Variants in SRGAP3 observed in about 807,000 individuals in gnomAD.
The protein encoded by SRGAP3 is SLIT-ROBO Rho GTPase activating protein 3.
SRGAP3 carries 39 observed loss-of-function variants against 121.1 expected under a neutral mutation model. The observed-to-expected ratio is 0.32, with a 90% CI of 0.25 to 0.42. The LOEUF is 0.42. Among genes scored for constraint, SRGAP3 ranks in the 10% least tolerant of loss-of-function variants. SRGAP3 has a pLI of 1.00. For missense variants in SRGAP3, 1,213 were observed against 1,470.6 expected, an observed-to-expected ratio of 0.82 and a Z score of 2.86; for synonymous variants, 601 against 570.0, an observed-to-expected ratio of 1.05 and a Z score of -0.77.
intron 1 of SRGAP3, among the ~76,000 whole-genome samples, chr3:9,162,664 C>T (rs1054904351): frequency 3.3e-5 from 5 of 152,224 alleles, no homozygotes; most frequent in African/African-American, 1.2e-4. Flanking sequence ...GCGTGGGGAG[C>T]TGGCCATGGG....
chr3:9,275,273 C>G (rs1013782869), intron 3 of SRGAP3, among the ~76,000 whole-genome samples: 7 of 152,184 alleles, frequency 4.6e-5, no homozygotes, highest in African/African-American at 2.4e-5. Flanking sequence ...TCCTTCTCTT[C>G]CTGTCTCTCT....
chr3:9,192,566 G>A (rs1261987707), intron 1 of SRGAP3: 2 of 149,846 alleles, frequency 1.3e-5, no homozygotes, highest in African/African-American at 2.6e-5. Flanking sequence ...TCCCCCGGGA[G>A]AGGACAACTG....
At chr3:9,355,139 T>C (rs2030425192) in intron 1 of SRGAP3, among the ~76,000 whole-genome samples, 1 of 152,220 alleles carries the variant, frequency 6.6e-6, no homozygotes, top group Non-Finnish European at 1.5e-5. Context: ...CTGCTAAGTC[T>C]GACCCTCAAA....
chr3:9,158,752 A>G (rs964290086), intron 1 of SRGAP3, among the ~76,000 whole-genome samples: 2 of 152,158 alleles, frequency 1.3e-5, no homozygotes, highest in African/African-American at 2.4e-5. Flanking sequence ...TCCCATTTGC[A>G]GTGCAGGTCT....
At chr3:9,227,963 C>A (rs996856472) in intron 1 of SRGAP3, among the ~76,000 whole-genome samples, 1 of 152,114 alleles carries the variant, frequency 6.6e-6, no homozygotes, top group East Asian at 1.9e-4. Flanking sequence ...GATGGTAAGT[C>A]GGAGGCAGTT....
intron 3 of SRGAP3, among the ~76,000 whole-genome samples, chr3:9,316,527 C>CGCAT (rs1955349514): frequency 6.6e-6 from 1 of 152,010 alleles, no homozygotes. Flanking sequence ...GGCATGGTGG[C>CGCAT]GCATGCCTTG....
At chr3:8,997,863 T>G (rs1434414862) in intron 18 of SRGAP3, among the ~76,000 whole-genome samples, 1 of 145,272 alleles carries the variant, frequency 6.9e-6, no homozygotes, top group Non-Finnish European at 1.5e-5. Flanking sequence ...CACTTCAGCA[T>G]AAATATTCAT....
chr3:9,235,504 T>A (rs991097800), intron 1 of SRGAP3: 1 of 63,020 alleles, frequency 1.6e-5, no homozygotes, highest in East Asian at 4.9e-4. Context: ...TTTCTTTTTC[T>A]TTTTTTTTTT....
chr3:9,032,873 C>T (rs776464750), intron 11 of SRGAP3, 121 bp from the exon 12 acceptor site: 2 of 875,960 alleles, frequency 2.3e-6, no homozygotes, highest in Non-Finnish European at 3.6e-6. Flanking sequence ...AGCCCCTGAC[C>T]CCCCGCCAAG....
chr3:9,209,881 G>C (rs1315850871), intron 1 of SRGAP3, among the ~76,000 whole-genome samples: 1 of 152,132 alleles, frequency 6.6e-6, no homozygotes, highest in East Asian at 1.9e-4. Context: ...CCAAAAACTG[G>C]AAACAATCCA....
chr3:9,150,276 C>T (rs904561776), intron 1 of SRGAP3, among the ~76,000 whole-genome samples: 2 of 151,466 alleles, frequency 1.3e-5, no homozygotes, highest in African/African-American at 4.9e-5. Flanking sequence ...ATGTCCCCAG[C>T]AGAAGACACC....
At chr3:9,138,952 G>A (rs976593704) in intron 1 of SRGAP3, among the ~76,000 whole-genome samples, 18 of 152,164 alleles carry the variant, frequency 1.2e-4, no homozygotes, top group African/African-American at 4.1e-4. Context: ...TGTACCAACA[G>A]TAGTGCTCAT....
chr3:9,337,324 AT>A (rs1955709717), intron 1 of SRGAP3, among the ~76,000 whole-genome samples: 1 of 152,226 alleles, frequency 6.6e-6, no homozygotes, highest in Admixed American at 6.5e-5. Context: ...GGCCTAGTCA[AT>A]TTGACACACA....
chr3:9,220,693 T>C (rs1471945204), intron 1 of SRGAP3, among the ~76,000 whole-genome samples: 1 of 152,238 alleles, frequency 6.6e-6, no homozygotes, highest in Non-Finnish European at 1.5e-5. Flanking sequence ...ACTATCATTC[T>C]TTTGGATCAA....
intron 1 of SRGAP3, chr3:9,348,933 T>C (rs1256438026): frequency 3.1e-6 from 3 of 980,200 alleles, no homozygotes; most frequent in African/African-American, 3.2e-5. Context: ...GCTCTGCCCT[T>C]TTGGAATGAA....
At chr3:9,253,906 A>G (rs1336299131), upstream of SRGAP3, among the ~76,000 whole-genome samples, 1 of 152,232 alleles carries the variant, frequency 6.6e-6, no homozygotes, top group African/African-American at 2.4e-5. Flanking sequence ...GTGGATAAGC[A>G]GAGGTTTTGA....
At chr3:9,012,904 G>C (rs1325538449) in intron 17 of SRGAP3, among the ~76,000 whole-genome samples, 3 of 151,960 alleles carry the variant, frequency 2.0e-5, no homozygotes, top group African/African-American at 7.3e-5. Flanking sequence ...GTTGCTGGTT[G>C]CCTGCTTGCG....
At chr3:9,321,336 T>G (rs918175310) in intron 3 of SRGAP3, among the ~76,000 whole-genome samples, 1 of 151,822 alleles carries the variant, frequency 6.6e-6, no homozygotes, top group African/African-American at 2.4e-5. Context: ...AAATCATGAG[T>G]GATCATAAGT....
At chr3:9,258,877 C>G (rs1462573515) in intron 3 of SRGAP3, among the ~76,000 whole-genome samples, 2 of 152,178 alleles carry the variant, frequency 1.3e-5, no homozygotes, top group African/African-American at 2.4e-5. Flanking sequence ...TGCGATCAAC[C>G]CTGGAACCCG....
Sources: gnomAD v4.1 joint callset for allele counts (sites outside exome capture counted in the v4.1 genomes callset) on GRCh38, gnomAD v4.1.1 for gene constraint, MANE v1.5 for transcripts, NCBI Gene and HGNC (gene_info 2026-07-23, HGNC 2026-07-21) for gene names.